Variants in SLC28A3 observed in about 807,000 individuals in gnomAD.
The protein encoded by SLC28A3 is solute carrier family 28 member 3, also known as concentrative Na(+)-nucleoside cotransporter 3.
SLC28A3 carries 68 observed loss-of-function variants against 84.2 expected under a neutral mutation model. That is an observed-to-expected ratio of 0.81 (90% confidence interval 0.66 to 0.99). The LOEUF is 0.99. Among genes scored for constraint, SLC28A3 ranks in the 50% least tolerant of loss-of-function variants. The probability of loss-of-function intolerance (pLI) is 0.00; values close to 1 mark genes in which losing one functional copy is unlikely to be tolerated. For synonymous variants in SLC28A3, 267 were observed against 303.6 expected (o/e 0.88, Z 1.25); for missense variants, 712 against 841.5 (o/e 0.85, Z 1.90).
intron 2 of SLC28A3, chr9:84,310,301 AGG>A (rs948802403): frequency 3.1e-6 from 2 of 637,206 alleles, no homozygotes; most frequent in Middle Eastern, 8.0e-4. Flanking sequence ...AATTGAGTGT[AGG>A]ATATCTCTGA....
intron 1 of SLC28A3, among the ~76,000 whole-genome samples, chr9:84,338,500 C>T (rs755156055): frequency 2.2e-4 from 34 of 152,116 alleles, no homozygotes; most frequent in Non-Finnish European, 3.8e-4. Flanking sequence ...GTAAGGATGA[C>T]AGGAAATTTT....
At chr9:84,344,655 A>G (rs1827221977), upstream of SLC28A3, among the ~76,000 whole-genome samples, 1 of 152,142 alleles carries the variant, frequency 6.6e-6, no homozygotes, top group Non-Finnish European at 1.5e-5. Context: ...GGCAGCCACT[A>G]TAAAACTTCA....
the SLC28A3 span, among the ~76,000 whole-genome samples, chr9:84,346,683 C>T: frequency 6.6e-6 from 1 of 152,152 alleles, no homozygotes; most frequent in African/African-American, 2.4e-5. Flanking sequence ...GTGTATTTGA[C>T]ATAGGAAATG....
intron 6 of SLC28A3, among the ~76,000 whole-genome samples, chr9:84,298,691 C>T (rs1458444777): frequency 1.3e-5 from 2 of 152,172 alleles, no homozygotes; most frequent in South Asian, 2.1e-4. Flanking sequence ...GTAATTATTT[C>T]CCCTATCTGG....
intron 8 of SLC28A3, among the ~76,000 whole-genome samples, chr9:84,295,509 T>C (rs1200299817): frequency 6.6e-6 from 1 of 152,118 alleles, no homozygotes; most frequent in Non-Finnish European, 1.5e-5. Flanking sequence ...TGCTTGAACC[T>C]GGGAGGCAGA....
the SLC28A3 span, among the ~76,000 whole-genome samples, chr9:84,355,394 T>C: frequency 6.6e-6 from 1 of 152,070 alleles, no homozygotes; most frequent in African/African-American, 2.4e-5. Context: ...GCTATGATCG[T>C]GCTACTATAG....
At chr9:84,297,404 G>A in intron 7 of SLC28A3, 106 bp from the exon 8 acceptor site, 1 of 804,256 alleles carries the variant, frequency 1.2e-6, no homozygotes, top group Non-Finnish European at 2.0e-6. Context: ...CAAATGTGTT[G>A]GATAGACTTG....
chr9:84,350,870 G>A, the SLC28A3 span, among the ~76,000 whole-genome samples: 16 of 152,094 alleles, frequency 1.1e-4, no homozygotes, highest in East Asian at 2.5e-3. Context: ...GCACCACCAC[G>A]TCTGGCTGAT....
intron 11 of SLC28A3, 54 bp downstream of exon 11, chr9:84,290,100 A>G: frequency 6.3e-7 from 1 of 1,584,132 alleles, no homozygotes; most frequent in East Asian, 2.3e-5. Flanking sequence ...AAAAGAAATA[A>G]CAATAATAAA....
intron 1 of SLC28A3, among the ~76,000 whole-genome samples, chr9:84,319,205 T>C (rs1826278557): frequency 6.6e-6 from 1 of 152,256 alleles, no homozygotes. Context: ...TATTACTCAC[T>C]GAAATCCATC....
At chr9:84,359,770 C>A in the SLC28A3 span, among the ~76,000 whole-genome samples, 1 of 152,048 alleles carries the variant, frequency 6.6e-6, no homozygotes, top group Admixed American at 6.6e-5. Context: ...GAGGCTGAGA[C>A]TGGCAGGTTG....
At chr9:84,325,400 ATC>A (rs1302760044) in intron 1 of SLC28A3, among the ~76,000 whole-genome samples, 9 of 152,242 alleles carry the variant, frequency 5.9e-5, no homozygotes, top group African/African-American at 2.2e-4. Flanking sequence ...AATGAATGAA[ATC>A]ATAAAAGTAT....
the SLC28A3 span, among the ~76,000 whole-genome samples, chr9:84,350,286 A>T: frequency 6.6e-6 from 1 of 152,134 alleles, no homozygotes; most frequent in African/African-American, 2.4e-5. Context: ...TACTAAAAAT[A>T]CAAAAATTAG....
intron 4 of SLC28A3, among the ~76,000 whole-genome samples, chr9:84,303,848 TTGTGCA>T (rs1243327871): frequency 6.6e-6 from 1 of 152,226 alleles, no homozygotes; most frequent in African/African-American, 2.4e-5. Flanking sequence ...CAAATCTCAA[TTGTGCA>T]TGTGCATGTG....
At chr9:84,349,883 A>C in the SLC28A3 span, among the ~76,000 whole-genome samples, 1 of 152,226 alleles carries the variant, frequency 6.6e-6, no homozygotes, top group African/African-American at 2.4e-5. Context: ...TTTTAATAAC[A>C]CAGCCATGTG....
At chr9:84,348,044 C>A in the SLC28A3 span, among the ~76,000 whole-genome samples, 1 of 152,074 alleles carries the variant, frequency 6.6e-6, no homozygotes, top group Non-Finnish European at 1.5e-5. Flanking sequence ...TTTAAGGGGG[C>A]ACTCTCTGGA....
chr9:84,299,007 T>A (rs1825523486), intron 6 of SLC28A3, among the ~76,000 whole-genome samples: 1 of 152,164 alleles, frequency 6.6e-6, no homozygotes, highest in Non-Finnish European at 1.5e-5. Context: ...CTGATTTGTG[T>A]TTTTTTCCTT....
Position 84,305,240 on chromosome 9 carries a change from T to TCTTTGTTA in SLC28A3, c.334+6_334+13dup, listed in dbSNP as rs376295161. 3.9e-6 allele frequency: 6 copies of TCTTTGTTA among 1,546,046 alleles called. No individual in the cohort carries two copies. In the African/African-American group the frequency reaches 8.4e-5, roughly 22 times the overall value. The stretch of plus-strand genomic sequence containing the variant: ...AAAAAGACAGTGGTATCCCTAACCA[T>TCTTTGTTA]CTTTGTTATTTACCTGCTAATAAAA... On this transcript the variant is annotated intron_variant, in intron 4 of 17. Transcript: ENST00000376238.
In SLC28A3 at chr9:84,302,231, G is replaced by A; in HGVS notation, c.493C>T (p.Leu165Phe). The change falls in exon 5 of 18, where the codon CTT (leucine) becomes TTT (phenylalanine). Residue 165 changes from leucine to phenylalanine, a missense_variant. Physicochemically the swap from Leu to Phe is conservative, Grantham distance 22. Coordinates refer to ENST00000376238, the MANE Select transcript of SLC28A3 (RefSeq NM_001199633.2). ...AGCCAGAACCAATGGCTGTTTAGAA[G>A]CCTTCTGCCAGGAGACAGCATCTCA... ...IDEMLSPGRR[L>F]LNSHWFWLKW... 1.2e-6 allele frequency: 2 copies of A among 1,614,144 alleles called. No homozygotes were observed. The highest frequency in any genetic ancestry group is 1.7e-6 in the Non-Finnish European group (2 of 1,180,014).
Sources: gnomAD v4.1 joint callset for allele counts (sites outside exome capture counted in the v4.1 genomes callset) on GRCh38, gnomAD v4.1.1 for gene constraint, MANE v1.5 for transcripts, NCBI Gene and HGNC (gene_info 2026-07-23, HGNC 2026-07-21) for gene names.